The following SNTB1 variants were observed in gnomAD, a reference collection of about 807,000 sequenced individuals.
The protein encoded by SNTB1 is syntrophin beta 1, also known as beta-1-syntrophin.
In SNTB1, 36 loss-of-function variants were observed where a neutral mutation model predicts 48.9. The ratio of observed to expected loss-of-function variants is 0.74; its 90% CI spans 0.56 to 0.97. SNTB1 has a LOEUF of 0.97. SNTB1 is among the 50% of genes least tolerant of loss of function. SNTB1 has a pLI of 0.00. For missense variants in SNTB1, 786 were observed against 703.4 expected (o/e 1.12, Z -1.33); for synonymous variants, 299 against 294.6 (o/e 1.01, Z -0.15).
At chr8:120,741,819 G>T (rs1563586605) in intron 1 of SNTB1, among the ~76,000 whole-genome samples, 1 of 152,122 alleles carries the variant, frequency 6.6e-6, no homozygotes, top group Non-Finnish European at 1.5e-5. Context: ...TTTAAAGGTT[G>T]TAAAAAAGAA....
intron 1 of SNTB1, among the ~76,000 whole-genome samples, chr8:120,716,720 C>T (rs1818564539): frequency 1.3e-5 from 2 of 152,188 alleles, no homozygotes; most frequent in South Asian, 2.1e-4. Flanking sequence ...AACTAAGCAT[C>T]ACACTGGTAT....
intron 1 of SNTB1, among the ~76,000 whole-genome samples, chr8:120,754,666 G>A (rs1419558930): frequency 4.6e-5 from 7 of 151,594 alleles, no homozygotes; most frequent in Non-Finnish European, 7.4e-5. Context: ...AAGGCAAAGC[G>A]AATGTGTAAT....
intron 2 of SNTB1, among the ~76,000 whole-genome samples, chr8:120,684,635 C>A (rs1376040602): frequency 1.4e-5 from 2 of 147,716 alleles, no homozygotes; most frequent in African/African-American, 5.2e-5. Flanking sequence ...CAAATCTATA[C>A]CCAACAGGGC....
chr8:120,606,397 G>A (rs745438230), intron 3 of SNTB1, among the ~76,000 whole-genome samples: 32 of 101,908 alleles, frequency 3.1e-4, no homozygotes, highest in South Asian at 1.0e-3. Flanking sequence ...ATGTCAGTGC[G>A]TGTGTGTATA....
intron 3 of SNTB1, among the ~76,000 whole-genome samples, chr8:120,609,187 CA>C (rs1816576108): frequency 6.6e-6 from 1 of 152,052 alleles, no homozygotes; most frequent in African/African-American, 2.4e-5. Flanking sequence ...AGGAAAAGAA[CA>C]AAGGAAAAGT....
At chr8:120,749,013 A>G (rs1055386915) in intron 1 of SNTB1, among the ~76,000 whole-genome samples, 1 of 152,244 alleles carries the variant, frequency 6.6e-6, no homozygotes, top group Non-Finnish European at 1.5e-5. Flanking sequence ...CTGGCACCCA[A>G]TAAGAACATA....
intron 3 of SNTB1, among the ~76,000 whole-genome samples, chr8:120,596,670 G>A (rs1389852892): frequency 6.6e-6 from 1 of 152,114 alleles, no homozygotes; most frequent in East Asian, 1.9e-4. Flanking sequence ...GTTTCTAGAG[G>A]TTGCCTGCAT....
intron 3 of SNTB1, among the ~76,000 whole-genome samples, chr8:120,608,612 A>G (rs761718973): frequency 4.6e-5 from 7 of 152,162 alleles, no homozygotes; most frequent in Non-Finnish European, 8.8e-5. Flanking sequence ...TGAGAAAATA[A>G]ATTTCTGTTA....
intron 1 of SNTB1, among the ~76,000 whole-genome samples, chr8:120,719,901 T>C (rs1426130371): frequency 2.6e-5 from 4 of 152,238 alleles, no homozygotes; most frequent in Admixed American, 2.0e-4. Flanking sequence ...TCCACTTACA[T>C]GAATGGCGGG....
intron 3 of SNTB1, among the ~76,000 whole-genome samples, chr8:120,585,699 A>G (rs1042654534): frequency 6.6e-6 from 1 of 151,726 alleles, no homozygotes; most frequent in Non-Finnish European, 1.5e-5. Context: ...CATTCTATCA[A>G]TTCAGTTTGC....
Position 120,598,723 on chromosome 8 carries a change from A to C in SNTB1, c.997-23498T>G, listed in dbSNP as rs141113547. ...AGTCTGAAATTCGAATTAATGGGGG[A>C]AAGTCAAAGCATCCTCAGGGCTGCC... On this transcript the variant is annotated intron_variant, in intron 3 of 6. Transcript: ENST00000517992. Among the ~76,000 whole-genome samples, 281 of 152,292 alleles carry C rather than the reference A, an allele frequency of 1.8e-3. 1 individual carries two copies. In the Middle Eastern group the frequency reaches 0.041, roughly 22 times the overall value.
At chr8:120,606,362 T>C (rs1816518832) in intron 3 of SNTB1, among the ~76,000 whole-genome samples, 1 of 149,136 alleles carries the variant, frequency 6.7e-6, no homozygotes, top group South Asian at 2.1e-4. Context: ...AATATAGTTG[T>C]ATATTTATGT....
chr8:120,679,394 C>T (rs1021060494), intron 2 of SNTB1, among the ~76,000 whole-genome samples: 2 of 152,194 alleles, frequency 1.3e-5, no homozygotes, highest in African/African-American at 4.8e-5. Flanking sequence ...AAAGCCTAAA[C>T]CTTTCCTCCA....
rs572371100 is a variant in SNTB1, at chr8:120,805,197, A to C, written c.571+6076T>G. ...CATTTCTTACCATTACAACTTCAGC[A>C]AACTAGATTTGGTAGGCAGAAGAAT... On this transcript the variant is annotated intron_variant, in intron 1 of 6. Transcript: ENST00000517992. Among the ~76,000 whole-genome samples, 3 of 151,618 alleles carry C rather than the reference A, an allele frequency of 2.0e-5. No individual in the cohort carries two copies. In the South Asian group the frequency reaches 6.2e-4, roughly 32 times the overall value.
chr8:120,735,990 T>C (rs1477559413), intron 1 of SNTB1, among the ~76,000 whole-genome samples: 1 of 152,148 alleles, frequency 6.6e-6, no homozygotes, highest in Non-Finnish European at 1.5e-5. Context: ...GGGTAATTTC[T>C]AAAGGAAAGA....
At chr8:120,707,267 CAT>C (rs1439910593) in intron 1 of SNTB1, among the ~76,000 whole-genome samples, 1 of 152,132 alleles carries the variant, frequency 6.6e-6, no homozygotes, top group Non-Finnish European at 1.5e-5. Flanking sequence ...CTCCCCCAAA[CAT>C]ATGTGCACAC....
chr8:120,634,091 C>T (rs1453842784), intron 2 of SNTB1, among the ~76,000 whole-genome samples: 1 of 152,100 alleles, frequency 6.6e-6, no homozygotes, highest in African/African-American at 2.4e-5. Context: ...CCCTAGGCAA[C>T]AACTAACCTG....
At chr8:120,770,906 TCC>T (rs1252505334) in intron 1 of SNTB1, among the ~76,000 whole-genome samples, 1 of 152,214 alleles carries the variant, frequency 6.6e-6, no homozygotes, top group Non-Finnish European at 1.5e-5. Flanking sequence ...TTATGTCTGG[TCC>T]CATGTTTACA....
intron 1 of SNTB1, among the ~76,000 whole-genome samples, chr8:120,704,747 A>G (rs753590253): frequency 4.3e-4 from 65 of 152,310 alleles, no homozygotes; most frequent in Non-Finnish European, 7.3e-4. Context: ...TAGGAGGGAC[A>G]CCTAATGCTT....
Sources: gnomAD v4.1 joint callset for allele counts (sites outside exome capture counted in the v4.1 genomes callset) on GRCh38, gnomAD v4.1.1 for gene constraint, MANE v1.5 for transcripts, NCBI Gene and HGNC (gene_info 2026-07-23, HGNC 2026-07-21) for gene names.